The following TEKT3 variants were observed in gnomAD, a reference collection of about 807,000 sequenced individuals.
The protein encoded by TEKT3 is tektin 3.
In TEKT3, 49 loss-of-function variants were observed where a neutral mutation model predicts 49.8. That is an observed-to-expected ratio of 0.98 (90% confidence interval 0.78 to 1.25). The LOEUF is 1.25. TEKT3 is among the 50% of genes most tolerant of loss of function. The pLI, the probability that TEKT3 is intolerant of heterozygous loss-of-function variation, is 0.00. For missense variants in TEKT3, 595 were observed against 629.5 expected, an observed-to-expected ratio of 0.95 and a Z score of 0.59; for synonymous variants, 225 against 237.2, an observed-to-expected ratio of 0.95 and a Z score of 0.47.
intron 2 of TEKT3, among the ~76,000 whole-genome samples, chr17:15,339,151 C>T (rs1214470654): frequency 6.6e-6 from 1 of 152,062 alleles, no homozygotes; most frequent in Non-Finnish European, 1.5e-5. Flanking sequence ...GAAGTGGGCT[C>T]CTGATAAAAT....
chr17:15,320,427 C>A (rs897856504), intron 4 of TEKT3, among the ~76,000 whole-genome samples: 2 of 151,974 alleles, frequency 1.3e-5, no homozygotes, highest in South Asian at 2.1e-4. Context: ...TATAAATGTG[C>A]GTGGTGCTTT....
At chr17:15,317,794 C>G (rs1340875261) in intron 5 of TEKT3, among the ~76,000 whole-genome samples, 1 of 151,674 alleles carries the variant, frequency 6.6e-6, no homozygotes, top group Non-Finnish European at 1.5e-5. Context: ...TATTATTCTT[C>G]CCCCTCCTAA....
chr17:15,318,183 C>G (rs1911097331), intron 5 of TEKT3, among the ~76,000 whole-genome samples: 1 of 151,320 alleles, frequency 6.6e-6, no homozygotes, highest in Admixed American at 6.6e-5. Flanking sequence ...TAGAGACGGA[C>G]TTTCATGGTG....
intron 4 of TEKT3, among the ~76,000 whole-genome samples, chr17:15,326,126 G>A (rs401664): frequency 0.096 from 14,540 of 152,140 alleles, 837 homozygotes; most frequent in East Asian, 0.22. Context: ...AATGTCATGG[G>A]TCACTAAGAA....
At chr17:15,330,165 A>G (rs1230540742) in intron 3 of TEKT3, among the ~76,000 whole-genome samples, 2 of 152,238 alleles carry the variant, frequency 1.3e-5, no homozygotes, top group African/African-American at 4.8e-5. Flanking sequence ...ACATCCTAAA[A>G]GGGAATCATA....
chr17:15,309,647 A>G (rs967330219), intron 7 of TEKT3, among the ~76,000 whole-genome samples: 1 of 151,824 alleles, frequency 6.6e-6, no homozygotes, highest in Non-Finnish European at 1.5e-5. Flanking sequence ...TGGAAACCCT[A>G]TGTTTTTACC....
Position 15,312,572 on chromosome 17 carries a change from C to T in TEKT3, c.879-91G>A, listed in dbSNP as rs372661928. The T allele has an allele frequency of 1.1e-5, 12 of 1,140,656 alleles. No individual in the cohort carries two copies. The African/African-American group carries it at 1.9e-4, about 18-fold the overall frequency. 70.7% of individuals were successfully genotyped at this position (1,140,656 alleles called of 1,614,324 possible). A position where few individuals can be genotyped will look rare whatever the true frequency, so the allele number is the denominator to read the frequency against. On this transcript the variant is annotated intron_variant, in intron 6 of 8. Coordinates refer to ENST00000395930, the MANE Select transcript of TEKT3 (RefSeq NM_031898.3). ...AATCATTTATCCTGAGAGAGAGAAA[C>T]CCCCAGGTCGCTGATCCTAGCTTCA...
rs750812223 is a variant in TEKT3 at position 15,304,081 on chromosome 17, T to TC, written c.1327dup (p.Asp443GlyfsTer16). On this transcript the variant is annotated frameshift_variant, in exon 9 of 9. Coordinates refer to ENST00000395930, the MANE Select transcript of TEKT3 (RefSeq NM_031898.3). LOFTEE classifies it high-confidence loss of function. This position sits in a 1 kb window ranked among gnomAD's most constrained non-coding sequence, Gnocchi z 4.7. ...GATGTGGACCAGCGACTGCAGGGTG[T>TC]CCTCTGCATCCCTCAGGCGCTGCTG... 1.2e-6 allele frequency: 2 copies of TC among 1,613,960 alleles called. No individual in the cohort carries two copies. Among genetic ancestry groups the TC allele is most frequent in the Admixed American group, 1.7e-5 (1 of 60,024 alleles).
chr17:15,317,077 G>A (rs531553892), intron 5 of TEKT3, among the ~76,000 whole-genome samples: 8 of 152,208 alleles, frequency 5.3e-5, no homozygotes, highest in African/African-American at 1.9e-4. Flanking sequence ...ACCTGCCCTG[G>A]ACAGATCACA....
intron 2 of TEKT3, among the ~76,000 whole-genome samples, chr17:15,334,948 A>G (rs564220253): frequency 6.6e-6 from 1 of 152,360 alleles, no homozygotes; most frequent in South Asian, 2.1e-4. Context: ...ACAGAATAAT[A>G]AAAACCAGAC....
chr17:15,323,339 G>A (rs144647191), intron 4 of TEKT3, among the ~76,000 whole-genome samples: 2 of 152,212 alleles, frequency 1.3e-5, no homozygotes, highest in African/African-American at 4.8e-5. Flanking sequence ...CAGGCCCAGA[G>A]CCCCAGCCTG....
At chr17:15,308,106 T>C (rs1910617590) in intron 8 of TEKT3, among the ~76,000 whole-genome samples, 1 of 152,154 alleles carries the variant, frequency 6.6e-6, no homozygotes, top group Non-Finnish European at 1.5e-5. Context: ...TAAACTTAAA[T>C]GAGATCCTCA....
rs763189704 is a variant in TEKT3, at chr17:15,328,018, CG to C, written c.636del (p.His212GlnfsTer9). The C allele has an allele frequency of 4.3e-6, 7 of 1,613,918 alleles. No individual in the cohort carries two copies. The highest frequency in any genetic ancestry group is 5.9e-6 in the Non-Finnish European group (7 of 1,179,940). ...REKRMGIDLV[H>X]DEVEAQLLTE... The stretch of plus-strand genomic sequence containing the variant: ...GTCAGCAGTTGTGCTTCAACTTCAT[CG>C]TGAACTAGGTCGATTCCCATTCTCT... On this transcript the variant is annotated frameshift_variant, in exon 4 of 9. Coordinates refer to ENST00000395930, the MANE Select transcript of TEKT3 (RefSeq NM_031898.3). LOFTEE classifies it high-confidence loss of function.
chr17:15,306,395 A>G (rs922063854), intron 8 of TEKT3, among the ~76,000 whole-genome samples: 39 of 152,132 alleles, frequency 2.6e-4, no homozygotes, highest in African/African-American at 9.2e-4. Flanking sequence ...CCCCTCCCCC[A>G]ATAATAATCC....
Position 15,331,396 on chromosome 17 carries a change from T to C in TEKT3, c.190A>G (p.Ser64Gly), listed in dbSNP as rs771542582. ...TYYKVASNSP[S>G]VAPYCTRSQR... ...GATCTGGTGCAGTACGGGGCCACGC[T>C]TGGGGAATTGGAGGCGACTTTGTAG... Residue 64 changes from serine to glycine, a missense_variant, in exon 3 of 9, where the codon AGC (serine) becomes GGC (glycine). By Grantham distance (56) the Ser-to-Gly change is moderately conservative. Transcript: ENST00000395930. 17 of 1,614,080 alleles carry C rather than the reference T, an allele frequency of 1.1e-5. No individual in the cohort carries two copies. The highest frequency in any genetic ancestry group is 1.3e-5 in the Non-Finnish European group (15 of 1,180,016).
In TEKT3 at chr17:15,303,882, G is replaced by A; in HGVS notation, c.*54C>T. 6.6e-7 allele frequency: 1 copy of A among 1,518,138 alleles called. No individual in the cohort carries two copies. Among genetic ancestry groups the A allele is most frequent in the Non-Finnish European group, 9.1e-7 (1 of 1,094,764 alleles). The allele number at this position is 1,518,138 out of a possible 1,614,324, so 94.0% of individuals were successfully genotyped here. A position where few individuals can be genotyped will look rare whatever the true frequency, so the allele number is the denominator to read the frequency against. On this transcript the variant is annotated 3_prime_UTR_variant, in exon 9 of 9. Transcript: ENST00000395930. ...AGCATTCGGTTCAAATGCTGAGACA[G>A]TGCTCTGGCTCAGCCTTAACTTAGG...
chr17:15,341,446 G>A (rs1033295771), intron 1 of TEKT3, 72 bp downstream of exon 1: 5 of 152,294 alleles, frequency 3.3e-5, no homozygotes, highest in Non-Finnish European at 5.9e-5. Context: ...CGAGAAGTTG[G>A]AGTCCTGGTT....
rs1225230988 is a variant in TEKT3 at position 15,304,686 on chromosome 17, C to CTTCT, written c.1257-535_1257-534insAGAA. On this transcript the variant is annotated intron_variant, in intron 8 of 8. Coordinates refer to ENST00000395930, the MANE Select transcript of TEKT3 (RefSeq NM_031898.3). This position sits in a 1 kb window ranked among gnomAD's most constrained non-coding sequence, Gnocchi z 4.7. ...CCATTCCCCTCTCAGCTCCTTGAGA[C>CTTCT]AGAAGAGTAGAAGCAGAGACCCAGG... 1.1e-4 allele frequency among the ~76,000 whole-genome samples: 16 copies of CTTCT among 152,322 alleles called. No homozygotes were observed. The highest frequency in any genetic ancestry group is 3.8e-4 in the African/African-American group (16 of 41,562).
intron 4 of TEKT3, among the ~76,000 whole-genome samples, chr17:15,327,250 G>A (rs1911529523): frequency 6.6e-6 from 1 of 152,082 alleles, no homozygotes; most frequent in African/African-American, 2.4e-5. Context: ...GGGTGCAGTG[G>A]CTCAAGTCTG....
Sources: allele counts gnomAD v4.1 joint callset (sites outside exome capture counted in the v4.1 genomes callset), GRCh38; gene constraint gnomAD v4.1.1; non-coding constraint Gnocchi (gnomAD v3.1); transcripts MANE v1.5; gene names NCBI Gene and HGNC (gene_info 2026-07-23, HGNC 2026-07-21).